The following SMG6 variants were observed in gnomAD, a reference collection of about 807,000 sequenced individuals.
The protein encoded by SMG6 is SMG6 nonsense mediated mRNA decay factor.
In SMG6, 66 loss-of-function variants were observed where a neutral mutation model predicts 142.2. The ratio of observed to expected loss-of-function variants is 0.46; its 90% CI spans 0.38 to 0.57. The LOEUF (loss-of-function observed/expected upper bound fraction) is 0.57, where lower values mean the gene tolerates loss of function less well. Ranked by LOEUF, SMG6 falls within the 20% of genes least tolerant of loss-of-function variation. The probability of loss-of-function intolerance (pLI) is 0.00; values close to 1 mark genes in which losing one functional copy is unlikely to be tolerated. For synonymous variants in SMG6, 779 were observed against 702.4 expected (o/e 1.11, Z -1.72); for missense variants, 1,793 against 1,832.0 (o/e 0.98, Z 0.39).
Position 2,069,079 on chromosome 17 carries a change from G to T in SMG6, c.3682-148C>A, listed in dbSNP as rs540867649. 2.6e-4 allele frequency: 194 copies of T among 753,760 alleles called. 1 individual carries two copies. The African/African-American group carries it at 3.1e-3, about 12-fold the overall frequency. The allele number at this position is 753,760 out of a possible 1,614,324, so 46.7% of individuals were successfully genotyped here. The stretch of plus-strand genomic sequence containing the variant: ...TAACCAGTCCCCGTCGGGTCTCAGG[G>T]ATAGGCCCAAGGGCTGAGCATAGCA... On this transcript the variant is annotated intron_variant, in intron 15 of 18. Transcript: ENST00000263073.
Position 2,294,015 on chromosome 17 carries a change from C to T in SMG6, c.2152-1038G>A, listed in dbSNP as rs143483788. ...AAAATATCTCCCTAGGGAACACCAC[C>T]TCACAGCACACAATATAATTCCACT... On this transcript the variant is annotated intron_variant, in intron 4 of 18. Coordinates refer to ENST00000263073, the MANE Select transcript of SMG6 (RefSeq NM_017575.5). Among the ~76,000 whole-genome samples the T allele has an allele frequency of 6.1e-4, 93 of 152,242 alleles. 1 individual carries two copies. The highest frequency in any genetic ancestry group is 2.1e-3 in the African/African-American group (86 of 41,532).
At chr17:2,266,170 G>T (rs2074419330) in intron 8 of SMG6, 3 of 985,328 alleles carry the variant, frequency 3.0e-6, no homozygotes, top group Non-Finnish European at 3.6e-6. Flanking sequence ...CCAAACCAAG[G>T]CCTGGAAATT....
At chr17:2,279,245 GAAC>G (rs2074729361) in intron 8 of SMG6, among the ~76,000 whole-genome samples, 1 of 152,200 alleles carries the variant, frequency 6.6e-6, no homozygotes, top group Non-Finnish European at 1.5e-5. Flanking sequence ...GCAGAGAGAT[GAAC>G]AACAGCCAGG....
intron 8 of SMG6, among the ~76,000 whole-genome samples, chr17:2,268,280 G>A (rs978102620): frequency 6.6e-6 from 1 of 152,080 alleles, no homozygotes; most frequent in African/African-American, 2.4e-5. Context: ...ACAACTCTAG[G>A]AATTAGAACT....
intron 10 of SMG6, among the ~76,000 whole-genome samples, chr17:2,192,467 G>A (rs1298200647): frequency 2.6e-5 from 4 of 152,174 alleles, no homozygotes; most frequent in Non-Finnish European, 4.4e-5. Context: ...GGGCACTGGG[G>A]TCCACGAGCC....
chr17:2,191,734 C>T (rs774369548), intron 10 of SMG6, among the ~76,000 whole-genome samples: 2 of 152,108 alleles, frequency 1.3e-5, no homozygotes, highest in African/African-American at 4.8e-5. Flanking sequence ...GGCCAAATAC[C>T]GGCTCGGACA....
Position 2,065,636 on chromosome 17 carries a change from GTC to G in SMG6, c.3877_3878del (p.Asp1293ProfsTer41). 2 of 1,613,882 alleles carry G rather than the reference GTC, an allele frequency of 1.2e-6. No homozygotes were observed. The highest frequency in any genetic ancestry group is 1.7e-6 in the Non-Finnish European group (2 of 1,180,032). On this transcript the variant is annotated frameshift_variant, in exon 17 of 19. Transcript: ENST00000263073. LOFTEE classifies it high-confidence loss of function. ...CACGGGCGTAGCCCCCAGCCCGGTGGTCTGTCTCCTGCCCCTTGGCCAGGCCG... is the reference window on the plus strand; with the variant it reads ...CACGGGCGTAGCCCCCAGCCCGGTGGTGTCTCCTGCCCCTTGGCCAGGCCG... ...LDGLAKGQET[D>X]HRAGGYARVV...
At chr17:2,109,901 G>A (rs1369228082) in intron 13 of SMG6, among the ~76,000 whole-genome samples, 2 of 151,922 alleles carry the variant, frequency 1.3e-5, no homozygotes, top group African/African-American at 4.8e-5. Context: ...AGACCAACAT[G>A]GCAAAACTCT....
intron 4 of SMG6, 84 bp downstream of exon 4, chr17:2,297,159 G>T: frequency 1.1e-6 from 1 of 915,176 alleles, no homozygotes; most frequent in Non-Finnish European, 1.7e-6. Context: ...TCAACACCCA[G>T]TACAGTGTCT....
chr17:2,235,634 C>G (rs539553550), intron 10 of SMG6: 5 of 152,718 alleles, frequency 3.3e-5, no homozygotes, highest in African/African-American at 9.6e-5. Context: ...CACTCTCTGT[C>G]AGTGTTCTGA....
chr17:2,213,406 G>A (rs1303685697), intron 10 of SMG6, among the ~76,000 whole-genome samples: 3 of 152,158 alleles, frequency 2.0e-5, no homozygotes, highest in Non-Finnish European at 4.4e-5. Context: ...TGATCCACCC[G>A]GCCTCTCAGC....
rs1281830297 is a variant in SMG6, at chr17:2,283,833, G to T, written c.2338-98C>A. ...GAAACCCTACTATCTCTCCCAGCCT[G>T]TCTCCCAAACTGAGAGGAATCCCAA... On this transcript the variant is annotated intron_variant, in intron 6 of 18. Coordinates refer to ENST00000263073, the MANE Select transcript of SMG6 (RefSeq NM_017575.5). 6 of 864,996 alleles carry T rather than the reference G, an allele frequency of 6.9e-6. No individual in the cohort carries two copies. The African/African-American group carries it at 1.0e-4, about 14-fold the overall frequency. The allele number at this position is 864,996 out of a possible 1,614,324, so 53.6% of individuals were successfully genotyped here. A position where few individuals can be genotyped will look rare whatever the true frequency, so the allele number is the denominator to read the frequency against.
chr17:2,207,335 C>A (rs2072718658), intron 10 of SMG6, among the ~76,000 whole-genome samples: 1 of 151,966 alleles, frequency 6.6e-6, no homozygotes, highest in Admixed American at 6.6e-5. Context: ...AGAAAATGAT[C>A]AGTTTTATTT....
chr17:2,066,286 GTGTC>G (rs931506419), intron 16 of SMG6, among the ~76,000 whole-genome samples: 13 of 151,534 alleles, frequency 8.6e-5, no homozygotes, highest in African/African-American at 2.9e-4. Flanking sequence ...GTGCGTGTAT[GTGTC>G]TGTGTGCGTG....
chr17:2,267,349 C>A (rs1460140625), intron 8 of SMG6, among the ~76,000 whole-genome samples: 1 of 146,246 alleles, frequency 6.8e-6, no homozygotes, highest in Non-Finnish European at 1.5e-5. Flanking sequence ...GACCACCCAC[C>A]ACACCTGGCT....
intron 18 of SMG6, 22 bp downstream of exon 18, chr17:2,065,051 C>G: frequency 3.1e-6 from 5 of 1,603,862 alleles, no homozygotes; most frequent in Non-Finnish European, 4.3e-6. Context: ...TGGAAGATCC[C>G]AAGGCGGAGG....
chr17:2,152,239 G>A (rs1168835062), intron 13 of SMG6, among the ~76,000 whole-genome samples: 3 of 152,166 alleles, frequency 2.0e-5, no homozygotes, highest in South Asian at 2.1e-4. Context: ...ATTCAGTTTG[G>A]CCCACCCCTT....
intron 13 of SMG6, among the ~76,000 whole-genome samples, chr17:2,149,532 C>A (rs781100856): frequency 6.6e-6 from 1 of 152,134 alleles, no homozygotes; most frequent in Non-Finnish European, 1.5e-5. Flanking sequence ...ATTGACAACA[C>A]AAGGAAGAAC....
intron 8 of SMG6, among the ~76,000 whole-genome samples, chr17:2,251,386 C>A (rs2074042883): frequency 6.6e-6 from 1 of 152,064 alleles, no homozygotes; most frequent in African/African-American, 2.4e-5. Flanking sequence ...CACGCTGAGG[C>A]TGAGGTAGAA....
Sources: allele counts gnomAD v4.1 joint callset (sites outside exome capture counted in the v4.1 genomes callset), GRCh38; gene constraint gnomAD v4.1.1; transcripts MANE v1.5; gene names NCBI Gene and HGNC (gene_info 2026-07-23, HGNC 2026-07-21).